Variants in NT5C1A observed in about 807,000 individuals in gnomAD.
NT5C1A encodes the protein cytosolic 5'-nucleotidase 1A.
Under a neutral mutation model 31.0 loss-of-function variants are expected in NT5C1A, and 18 were observed. The observed-to-expected ratio is 0.58, with a 90% CI of 0.40 to 0.86. NT5C1A has a LOEUF of 0.86. Ranked by LOEUF, NT5C1A falls within the 40% of genes least tolerant of loss-of-function variation. NT5C1A has a pLI of 0.00. For missense variants in NT5C1A, 470 were observed against 505.4 expected (o/e 0.93, Z 0.67); for synonymous variants, 185 against 203.6 (o/e 0.91, Z 0.78).
rs896328762 is a variant in NT5C1A, at chr1:39,653,684, C to T, written c.*5437G>A. On this transcript the variant is annotated 3_prime_UTR_variant, in exon 6 of 6. Coordinates refer to ENST00000235628, the MANE Select transcript of NT5C1A (RefSeq NM_032526.3). ...GGTAGAATCACTTGACTACTGCCAG[C>T]AGCTGCGTGCCGGCCTGCAGTGCCA... Among the ~76,000 whole-genome samples, 2 of 152,286 alleles carry T rather than the reference C, an allele frequency of 1.3e-5. No individual in the cohort carries two copies. Among genetic ancestry groups the T allele is most frequent in the African/African-American group, 2.4e-5 (1 of 41,554 alleles).
chr1:39,671,801 C>A (rs1646553561), intron 1 of NT5C1A, 103 bp downstream of exon 1: 2 of 1,383,662 alleles, frequency 1.4e-6, no homozygotes, highest in East Asian at 4.9e-5. Flanking sequence ...GGAGCTGCGT[C>A]CCCTCCCAGA....
intron 3 of NT5C1A, among the ~76,000 whole-genome samples, chr1:39,664,498 C>CCCCTCCCCTCCT (rs1646510348): frequency 1.4e-5 from 1 of 70,548 alleles, no homozygotes; most frequent in African/African-American, 5.7e-5. Context: ...CTCCTCCTCT[C>CCCCTCCCCTCCT]CTCTCCTCTC....
Position 39,665,665 on chromosome 1 carries a change from G to T in NT5C1A, c.304-15C>A. On this transcript the variant is annotated splice_polypyrimidine_tract_variant and intron_variant, in intron 2 of 5. Transcript: ENST00000235628. ...GCCTCCAGAGCCTGGAAAGGAGAGG[G>T]CACCCCCCAGCTTAGACCCCCAAGG... The T allele has an allele frequency of 6.2e-7, 1 of 1,611,784 alleles. No homozygotes were observed. Among genetic ancestry groups the T allele is most frequent in the Non-Finnish European group, 8.5e-7 (1 of 1,179,342 alleles).
chr1:39,664,487 T>TCTCCTC (rs202246374), intron 3 of NT5C1A, among the ~76,000 whole-genome samples: 15 of 1,446 alleles, frequency 0.01, no homozygotes, highest in East Asian at 0.082. Flanking sequence ...AGAGTGGATT[T>TCTCCTC]CTCCTCCTCT....
chr1:39,659,292 C>T lies in NT5C1A; in HGVS notation c.936G>A (p.Ala312=), dbSNP rs142862392. The stretch of plus-strand genomic sequence containing the variant: ...TCTTCTCAAGGAGAGGGCCCTTGGG[C>T]GCTCCAGCAAGGAACAAGGCTTCAT... ...ETDEALFLAG[A]PKGPLLEKIR... The change falls in exon 6 of 6, where the codon GCG becomes GCA. Residue 312 remains alanine, a synonymous_variant. Transcript: ENST00000235628. 2.9e-5 allele frequency: 46 copies of T among 1,613,958 alleles called. No homozygotes were observed. Among genetic ancestry groups the T allele is most frequent in the Middle Eastern group, 1.6e-4 (1 of 6,084 alleles).
chr1:39,665,659 G>C lies in NT5C1A; in HGVS notation c.304-9C>G, dbSNP rs1230202440. The C allele has an allele frequency of 1.2e-6, 2 of 1,612,618 alleles. No homozygotes were observed. The highest frequency in any genetic ancestry group is 1.7e-6 in the Non-Finnish European group (2 of 1,179,686). Reference sequence around the variant, plus strand: ...TTCACGGCCTCCAGAGCCTGGAAAGGAGAGGGCACCCCCCAGCTTAGACCC... The same window carrying C: ...TTCACGGCCTCCAGAGCCTGGAAAGCAGAGGGCACCCCCCAGCTTAGACCC... On this transcript the variant is annotated splice_polypyrimidine_tract_variant and intron_variant, in intron 2 of 5. Coordinates refer to ENST00000235628, the MANE Select transcript of NT5C1A (RefSeq NM_032526.3).
chr1:39,668,381 TC>T (rs1296599517), intron 1 of NT5C1A, among the ~76,000 whole-genome samples: 1 of 152,150 alleles, frequency 6.6e-6, no homozygotes, highest in Non-Finnish European at 1.5e-5. Flanking sequence ...TGTCCCACAG[TC>T]CCTGCCAGAC....
intron 3 of NT5C1A, 72 bp from the exon 4 acceptor site, chr1:39,663,506 A>G (rs1389320555): frequency 4.7e-6 from 7 of 1,501,428 alleles, no homozygotes; most frequent in Non-Finnish European, 6.4e-6. Flanking sequence ...CTCTGTGCCC[A>G]GTGCACACCA....
At position 39,658,811 on chromosome 1, in the gene NT5C1A, T is replaced by C. The variant is rs181710536; in HGVS notation, c.*310A>G. Among the ~76,000 whole-genome samples the C allele has an allele frequency of 6.6e-6, 1 of 152,256 alleles. No homozygotes were observed. Among genetic ancestry groups the C allele is most frequent in the East Asian group, 1.9e-4 (1 of 5,164 alleles). Reference sequence around the variant, plus strand: ...ACATTGAGCTAGTTTTCATCCTAAGTCACTATTGAGAAATCCTGGCTTCTC... The same window carrying C: ...ACATTGAGCTAGTTTTCATCCTAAGCCACTATTGAGAAATCCTGGCTTCTC... On this transcript the variant is annotated 3_prime_UTR_variant, in exon 6 of 6. Coordinates refer to ENST00000235628, the MANE Select transcript of NT5C1A (RefSeq NM_032526.3).
chr1:39,668,687 T>C (rs1286599919), intron 1 of NT5C1A, among the ~76,000 whole-genome samples: 1 of 152,176 alleles, frequency 6.6e-6, no homozygotes, highest in African/African-American at 2.4e-5. Context: ...ACTTCCGCCT[T>C]CCCTGGAAAC....
At chr1:39,663,274 C>T in intron 4 of NT5C1A, 38 bp downstream of exon 4, 1 of 1,613,066 alleles carries the variant, frequency 6.2e-7, no homozygotes, top group East Asian at 2.2e-5. Context: ...GACCCCTTTG[C>T]TGCACTCCCC....
chr1:39,658,283 T>G lies in NT5C1A; in HGVS notation c.*838A>C, dbSNP rs958816025. Among the ~76,000 whole-genome samples the G allele has an allele frequency of 2.6e-5, 4 of 152,234 alleles. No homozygotes were observed. Among genetic ancestry groups the G allele is most frequent in the African/African-American group, 9.6e-5 (4 of 41,464 alleles). ...TCCCCTTGCTTCCTGGGCTGAGCCCTGATGACCATTCAGGTTAGAGAATCA... is the reference window on the plus strand; with the variant it reads ...TCCCCTTGCTTCCTGGGCTGAGCCCGGATGACCATTCAGGTTAGAGAATCA... On this transcript the variant is annotated 3_prime_UTR_variant, in exon 6 of 6. Transcript: ENST00000235628.
In NT5C1A at chr1:39,659,147, C is replaced by A; in HGVS notation, c.1081G>T (p.Ala361Ser). 1 of 1,607,194 alleles carries A rather than the reference C, an allele frequency of 6.2e-7. No homozygotes were observed. Among genetic ancestry groups the A allele is most frequent in the Non-Finnish European group, 8.5e-7 (1 of 1,175,608 alleles). Residue 361 changes from alanine to serine, a missense_variant, in exon 6 of 6, where the codon GCA (alanine) becomes TCA (serine). By Grantham distance (99) the Ala-to-Ser change is moderately conservative. Coordinates refer to ENST00000235628, the MANE Select transcript of NT5C1A (RefSeq NM_032526.3). ...TACTGTGCAGATGGGGCCTGCTTTG[C>A]AGGTGCAGTCCGCCGGGGTGTCTGT... is the stretch of plus-strand genomic sequence containing the variant. Reference protein sequence around the residue: ...VAQTPRRTAPAKQAPSAQ With the variant: ...VAQTPRRTAPSKQAPSAQ
At chr1:39,670,906 C>T (rs1294996982) in intron 1 of NT5C1A, among the ~76,000 whole-genome samples, 1 of 152,156 alleles carries the variant, frequency 6.6e-6, no homozygotes, top group African/African-American at 2.4e-5. Context: ...TCTCTGGAGC[C>T]TCCATCATTG....
At chr1:39,666,293 C>T (rs1302733607) in intron 1 of NT5C1A, 57 bp from the exon 2 acceptor site, 2 of 1,561,750 alleles carry the variant, frequency 1.3e-6, no homozygotes, top group East Asian at 4.5e-5. Flanking sequence ...GAGGCAGGCT[C>T]ACATGTGTGA....
Position 39,666,052 on chromosome 1 carries a change from T to A in NT5C1A, c.303+17A>T, listed in dbSNP as rs779968489. The stretch of plus-strand genomic sequence containing the variant: ...ACGAAGGCGCTATATGAGCTAGTGG[T>A]GGAACTGCTCCCTCACCTTCACAAA... On this transcript the variant is annotated intron_variant, in intron 2 of 5. Coordinates refer to ENST00000235628, the MANE Select transcript of NT5C1A (RefSeq NM_032526.3). The A allele has an allele frequency of 1.2e-6, 2 of 1,608,312 alleles. No homozygotes were observed. Among genetic ancestry groups the A allele is most frequent in the Non-Finnish European group, 1.7e-6 (2 of 1,177,144 alleles).
chr1:39,670,398 C>G (rs784597), intron 1 of NT5C1A, among the ~76,000 whole-genome samples: 93,738 of 152,166 alleles, frequency 0.62, 29,125 homozygotes, highest in African/African-American at 0.68. Flanking sequence ...TTATTCTGAG[C>G]TTTGCTTTAA....
At chr1:39,661,318 GTGGGCTATCT>G (rs1646492334) in intron 4 of NT5C1A, 55 bp from the exon 5 acceptor site, 2 of 980,822 alleles carry the variant, frequency 2.0e-6, no homozygotes, top group Non-Finnish European at 3.2e-6. Context: ...TAGGGCTAGA[GTGGGCTATCT>G]TAGGCTATCC....
At position 39,651,777 on chromosome 1, in the gene NT5C1A, C is replaced by A. The variant is rs951444014; in HGVS notation, c.*7344G>T. On this transcript the variant is annotated 3_prime_UTR_variant, in exon 6 of 6. Coordinates refer to ENST00000235628, the MANE Select transcript of NT5C1A (RefSeq NM_032526.3). ...GAGTGTGGTGGCTCACGCCTGTAAT[C>A]CCAGCACTTTGGGAGGCAGAGGCTG... Among the ~76,000 whole-genome samples, 1 of 152,000 alleles carries A rather than the reference C, an allele frequency of 6.6e-6. No homozygotes were observed. The highest frequency in any genetic ancestry group is 6.6e-5 in the Admixed American group (1 of 15,262).
Sources: gnomAD v4.1 joint callset for allele counts (sites outside exome capture counted in the v4.1 genomes callset) on GRCh38, gnomAD v4.1.1 for gene constraint, MANE v1.5 for transcripts, NCBI Gene and HGNC (gene_info 2026-07-23, HGNC 2026-07-21) for gene names.